The following BTG4 variants were observed in gnomAD, a reference collection of about 807,000 sequenced individuals.
The protein encoded by BTG4 is protein BTG4.
BTG4 carries 10 observed loss-of-function variants against 19.3 expected under a neutral mutation model. That is an observed-to-expected ratio of 0.52 (90% CI 0.32 to 0.88). The LOEUF (loss-of-function observed/expected upper bound fraction) is 0.88. Among genes scored for constraint, BTG4 ranks in the 40% least tolerant of loss-of-function variants. The probability of loss-of-function intolerance (pLI) is 0.04; values close to 1 mark genes in which losing one functional copy is unlikely to be tolerated. For synonymous variants in BTG4, 91 were observed against 95.7 expected (o/e 0.95, Z 0.29); for missense variants, 238 against 281.9 (o/e 0.84, Z 1.11).
the BTG4 span, chr11:111,453,437 G>A: frequency 1.6e-4 from 74 of 456,500 alleles, no homozygotes; most frequent in African/African-American, 9.0e-4. Flanking sequence ...AGCTGGGCTC[G>A]GAAGGCTGCT....
upstream of BTG4, chr11:111,514,421 T>C (rs542481943): frequency 5.8e-4 from 167 of 287,438 alleles, no homozygotes; most frequent in African/African-American, 3.3e-3. Context: ...GAAGTGGGGA[T>C]TGGGGCAATG....
At chr11:111,493,788 TG>T (rs2135652539), downstream of BTG4, among the ~76,000 whole-genome samples, 2 of 152,176 alleles carry the variant, frequency 1.3e-5, no homozygotes, top group East Asian at 3.9e-4. Flanking sequence ...AAAATAATGC[TG>T]CTATGTGCCC....
chr11:111,471,190 A>G (rs1410800011), intron 5 of BTG4, among the ~76,000 whole-genome samples: 1 of 152,218 alleles, frequency 6.6e-6, no homozygotes, highest in Non-Finnish European at 1.5e-5. Flanking sequence ...CATTATTGAA[A>G]AAGAAGATAA....
the BTG4 span, among the ~76,000 whole-genome samples, chr11:111,414,050 A>G: frequency 6.6e-6 from 1 of 152,118 alleles, no homozygotes; most frequent in Non-Finnish European, 1.5e-5. Flanking sequence ...GTAGGAGCAA[A>G]CTGAGAGTGA....
At chr11:111,440,669 T>C in the BTG4 span, among the ~76,000 whole-genome samples, 1 of 152,236 alleles carries the variant, frequency 6.6e-6, no homozygotes, top group East Asian at 1.9e-4. Context: ...CAGATTTTTG[T>C]TCACAGATAG....
chr11:111,458,611 G>A, the BTG4 span, among the ~76,000 whole-genome samples: 1 of 152,048 alleles, frequency 6.6e-6, no homozygotes, highest in Non-Finnish European at 1.5e-5. Context: ...AATCTCCTGA[G>A]TCCTCAATCC....
the BTG4 span, among the ~76,000 whole-genome samples, chr11:111,402,046 A>G: frequency 1.3e-5 from 2 of 152,202 alleles, no homozygotes; most frequent in African/African-American, 4.8e-5. Flanking sequence ...TTGAATTGTA[A>G]TAATCCCCAC....
the BTG4 span, chr11:111,451,396 G>A: frequency 8.2e-5 from 37 of 453,732 alleles, no homozygotes; most frequent in African/African-American, 1.8e-4. Flanking sequence ...AGCAGCAACC[G>A]ACATCGGAAG....
At chr11:111,506,270 A>T (rs1046509803) in intron 1 of BTG4, among the ~76,000 whole-genome samples, 1 of 152,182 alleles carries the variant, frequency 6.6e-6, no homozygotes, top group South Asian at 2.1e-4. Context: ...AATATGGTGT[A>T]TATATACACA....
chr11:111,406,593 A>G, the BTG4 span, among the ~76,000 whole-genome samples: 1 of 152,238 alleles, frequency 6.6e-6, no homozygotes, highest in Non-Finnish European at 1.5e-5. Context: ...CCTGGGGGAA[A>G]AAACATCTCC....
At chr11:111,431,656 G>A in the BTG4 span, among the ~76,000 whole-genome samples, 2 of 152,240 alleles carry the variant, frequency 1.3e-5, no homozygotes, top group Admixed American at 6.5e-5. Context: ...ATCTAGACAA[G>A]AGGAGGGATG....
At chr11:111,498,556 GTTGCTTGGTGA>G in intron 2 of BTG4, 37 bp downstream of exon 2, 1 of 1,523,022 alleles carries the variant, frequency 6.6e-7, no homozygotes, top group Non-Finnish European at 9.0e-7. Context: ...GAGCTGGCTG[GTTGCTTGGTGA>G]TTGCTTCCCT....
At chr11:111,397,911 A>G in the BTG4 span, 9 of 152,174 alleles carry the variant, frequency 5.9e-5, no homozygotes, top group Non-Finnish European at 1.2e-4. Context: ...CAGTTAAAGA[A>G]ATACTGTGTG....
the BTG4 span, among the ~76,000 whole-genome samples, chr11:111,461,068 T>G: frequency 6.6e-6 from 1 of 152,022 alleles, no homozygotes; most frequent in Non-Finnish European, 1.5e-5. Flanking sequence ...TGGATGGGAG[T>G]GGGGCCAGAC....
chr11:111,418,195 C>T, the BTG4 span: 2 of 152,236 alleles, frequency 1.3e-5, no homozygotes, highest in African/African-American at 4.8e-5. Context: ...GCACCTTAAG[C>T]CATCTGACTG....
At chr11:111,401,070 A>ACAAG in the BTG4 span, 1 of 150,694 alleles carries the variant, frequency 6.6e-6, no homozygotes, top group Non-Finnish European at 1.5e-5. Context: ...AAAAAAAAAA[A>ACAAG]AAAAAAAAAA....
At chr11:111,472,537 C>T (rs1276515525) in intron 5 of BTG4, among the ~76,000 whole-genome samples, 2 of 152,130 alleles carry the variant, frequency 1.3e-5, no homozygotes, top group Non-Finnish European at 2.9e-5. Flanking sequence ...GTTACTCATC[C>T]CAAAATAGTG....
the BTG4 span, among the ~76,000 whole-genome samples, chr11:111,423,894 C>T: frequency 1.3e-5 from 2 of 152,162 alleles, no homozygotes; most frequent in African/African-American, 4.8e-5. Context: ...GAGGCCTGAG[C>T]TCCTTTCAGG....
chr11:111,425,026 C>A, the BTG4 span, among the ~76,000 whole-genome samples: 1 of 152,044 alleles, frequency 6.6e-6, no homozygotes, highest in South Asian at 2.1e-4. Context: ...ACTGCCATGG[C>A]AGTTTAGAAA....
Sources: allele counts gnomAD v4.1 joint callset (sites outside exome capture counted in the v4.1 genomes callset), GRCh38; gene constraint gnomAD v4.1.1; transcripts MANE v1.5; gene names NCBI Gene and HGNC (gene_info 2026-07-23, HGNC 2026-07-21).